The following CA8 variants were observed in gnomAD, a reference collection of about 807,000 sequenced individuals.
CA8 encodes carbonic anhydrase 8 (inactive).
CA8 carries 22 observed loss-of-function variants against 41.4 expected under a neutral mutation model. The ratio of observed to expected loss-of-function variants is 0.53; its 90% confidence interval spans 0.38 to 0.76. CA8 has a LOEUF of 0.76. CA8 is among the 30% of genes least tolerant of loss of function. The pLI is 0.00. For synonymous variants in CA8, 121 were observed against 130.6 expected, an observed-to-expected ratio of 0.93 and a Z score of 0.50; for missense variants, 270 against 352.8, an observed-to-expected ratio of 0.77 and a Z score of 1.88.
intron 3 of CA8, among the ~76,000 whole-genome samples, chr8:60,256,204 T>G (rs920720918): frequency 6.6e-6 from 1 of 152,086 alleles, no homozygotes; most frequent in African/African-American, 2.4e-5. Flanking sequence ...GCCGCCACAC[T>G]CGGCCTAAAC....
At chr8:60,224,023 T>G (rs1413715707) in intron 6 of CA8, among the ~76,000 whole-genome samples, 5 of 152,232 alleles carry the variant, frequency 3.3e-5, no homozygotes, top group Non-Finnish European at 7.3e-5. Flanking sequence ...TTTATTTTAC[T>G]CTAAAGATTA....
chr8:60,232,616 A>T (rs989116300), intron 3 of CA8: 27 of 543,658 alleles, frequency 5.0e-5, no homozygotes, highest in African/African-American at 4.9e-4. Context: ...TTTAGTCCTG[A>T]TGAGGAGGAA....
chr8:60,186,910 C>T lies in CA8; in HGVS notation c.*3111G>A, dbSNP rs1432898491. ...GTCAGAGAATTCAATACACTACTTT[C>T]ATAATAGACAGAAATAGGCATATCA... On this transcript the variant is annotated 3_prime_UTR_variant, in exon 9 of 9. Coordinates refer to ENST00000317995, the MANE Select transcript of CA8 (RefSeq NM_004056.6). Among the ~76,000 whole-genome samples, 1 of 151,956 alleles carries T rather than the reference C, an allele frequency of 6.6e-6. No homozygotes were observed. The highest frequency in any genetic ancestry group is 1.5e-5 in the Non-Finnish European group (1 of 67,908).
At chr8:60,236,265 A>G (rs1199567164) in intron 3 of CA8, among the ~76,000 whole-genome samples, 2 of 152,218 alleles carry the variant, frequency 1.3e-5, no homozygotes, top group East Asian at 3.9e-4. Flanking sequence ...GATAAAAATC[A>G]GCCTGCGTTT....
rs1805991222 is a variant in CA8 at position 60,187,293 on chromosome 8, T to C, written c.*2728A>G. On this transcript the variant is annotated 3_prime_UTR_variant, in exon 9 of 9. Coordinates refer to ENST00000317995, the MANE Select transcript of CA8 (RefSeq NM_004056.6). ...CTTGAGATGAATGAAAACAAAAACA[T>C]GGCATACCAAAACTTATTGGATGCA... 6.6e-6 allele frequency: 1 copy of C among 151,952 alleles called. No individual in the cohort carries two copies. Among genetic ancestry groups the C allele is most frequent in the Non-Finnish European group, 1.5e-5 (1 of 67,914 alleles). 9.4% of individuals were successfully genotyped at this position (151,952 alleles called of 1,614,324 possible). A position where few individuals can be genotyped will look rare whatever the true frequency, so the allele number is the denominator to read the frequency against.
intron 2 of CA8, among the ~76,000 whole-genome samples, chr8:60,271,186 A>G (rs959295174): frequency 1.3e-5 from 2 of 152,114 alleles, no homozygotes; most frequent in Admixed American, 6.5e-5. Context: ...TCTACCAAAA[A>G]TTTAAAAATT....
At position 60,279,790 on chromosome 8, in the gene CA8, G is replaced by C; in HGVS notation, c.191C>G (p.Ser64Trp). ...LNSREARYDP[S>W]LLDVRLSPNY... ...TGGGGAGAGGCGGACATCCAACAGC[G>C]AGGGGTCATACCTAGCCTCTCTTGA... Residue 64 changes from serine (S) to tryptophan (W), a missense_variant, in exon 2 of 9, where the codon TCG (serine) becomes TGG (tryptophan). Ser to Trp is a radical substitution (Grantham distance 177). Around this residue, in one of 3 missense-constraint regions of CA8, gnomAD observed 123 missense variants for 136.8 expected, o/e 0.90. Coordinates refer to ENST00000317995, the MANE Select transcript of CA8 (RefSeq NM_004056.6). The C allele has an allele frequency of 6.2e-7, 1 of 1,614,134 alleles. No individual in the cohort carries two copies. Among genetic ancestry groups the C allele is most frequent in the South Asian group, 1.1e-5 (1 of 91,078 alleles).
Position 60,281,066 on chromosome 8 carries a change from C to T in CA8, c.82G>A (p.Glu28Lys). ...EDEEEEEEGV[E>K]WGYEEGVEWG... ...CACTTACCTTCCTCGTAGCCCCACTCCACACCCTCCTCTTCTTCCTCCTCA... is the reference window on the plus strand; with the variant it reads ...CACTTACCTTCCTCGTAGCCCCACTTCACACCCTCCTCTTCTTCCTCCTCA... Residue 28 changes from glutamate (E) to lysine (K), a missense_variant, in exon 1 of 9, where the codon GAG (glutamate) becomes AAG (lysine). Glu to Lys is a moderately conservative substitution (Grantham distance 56, BLOSUM62 1). Transcript: ENST00000317995. 5.6e-6 allele frequency: 9 copies of T among 1,611,272 alleles called. No homozygotes were observed. Among genetic ancestry groups the T allele is most frequent in the Non-Finnish European group, 7.6e-6 (9 of 1,179,256 alleles).
At chr8:60,238,357 T>G (rs553839038) in intron 3 of CA8, among the ~76,000 whole-genome samples, 47 of 152,344 alleles carry the variant, frequency 3.1e-4, no homozygotes, top group African/African-American at 8.7e-4. Context: ...AAGGCAATTA[T>G]GACTCACAAA....
intron 3 of CA8, among the ~76,000 whole-genome samples, chr8:60,255,163 T>G (rs1808583251): frequency 1.3e-5 from 2 of 152,106 alleles, no homozygotes; most frequent in African/African-American, 4.8e-5. Flanking sequence ...CAACTCCTCC[T>G]CCTGTATTCT....
Position 60,189,572 on chromosome 8 carries a change from T to C in CA8, c.*449A>G, listed in dbSNP as rs1227999616. On this transcript the variant is annotated 3_prime_UTR_variant, in exon 9 of 9. Coordinates refer to ENST00000317995, the MANE Select transcript of CA8 (RefSeq NM_004056.6). Reference sequence around the variant, plus strand: ...GTTCTTAATCAAAACTCTTATTTTATTATCAAGAATTACACTAGTTCTAAA... The same window carrying C: ...GTTCTTAATCAAAACTCTTATTTTACTATCAAGAATTACACTAGTTCTAAA... The C allele has an allele frequency of 6.6e-6, 1 of 152,210 alleles. No homozygotes were observed. Among genetic ancestry groups the C allele is most frequent in the Non-Finnish European group, 1.5e-5 (1 of 68,010 alleles). The allele number at this position is 152,210 out of a possible 1,614,324, so 9.4% of individuals were successfully genotyped here.
chr8:60,243,629 G>A (rs1003195517), intron 3 of CA8, among the ~76,000 whole-genome samples: 4 of 151,820 alleles, frequency 2.6e-5, no homozygotes, highest in Non-Finnish European at 5.9e-5. Context: ...CCCTGAACGC[G>A]CCCGATCTCG....
intron 8 of CA8, among the ~76,000 whole-genome samples, chr8:60,201,123 C>T (rs767149578): frequency 2.7e-4 from 41 of 152,116 alleles, no homozygotes; most frequent in Admixed American, 3.9e-4. Context: ...GTGTCATGCA[C>T]GGCTCACGTT....
intron 3 of CA8, among the ~76,000 whole-genome samples, chr8:60,233,802 T>A (rs922805284): frequency 2.0e-5 from 3 of 152,188 alleles, no homozygotes; most frequent in African/African-American, 7.2e-5. Flanking sequence ...GGCATTTTTT[T>A]AAACAAAACA....
intron 7 of CA8, among the ~76,000 whole-genome samples, chr8:60,217,867 T>C (rs1316347801): frequency 1.3e-5 from 2 of 152,192 alleles, no homozygotes; most frequent in African/African-American, 2.4e-5. Context: ...CTCCATCTCA[T>C]TGCCATGTGA....
intron 8 of CA8, among the ~76,000 whole-genome samples, chr8:60,200,074 G>T (rs1806379561): frequency 6.6e-6 from 1 of 152,118 alleles, no homozygotes. Context: ...GTGGGCAGAG[G>T]CCTAGTGATT....
At chr8:60,209,658 T>G (rs1482395721) in intron 7 of CA8, among the ~76,000 whole-genome samples, 1 of 152,182 alleles carries the variant, frequency 6.6e-6, no homozygotes, top group Non-Finnish European at 1.5e-5. Context: ...ATCAGATAGA[T>G]TCAAGGTTTC....
intron 2 of CA8, among the ~76,000 whole-genome samples, chr8:60,274,111 T>G (rs1804152868): frequency 6.6e-6 from 1 of 152,050 alleles, no homozygotes; most frequent in South Asian, 2.1e-4. Context: ...AGTGGTGGTG[T>G]GAAGTCAGCT....
chr8:60,210,329 T>C (rs1563526570), intron 7 of CA8, among the ~76,000 whole-genome samples: 1 of 152,314 alleles, frequency 6.6e-6, no homozygotes, highest in South Asian at 2.1e-4. Flanking sequence ...TAATATGACA[T>C]AGCTATAGAA....
Sources: allele counts gnomAD v4.1 joint callset (sites outside exome capture counted in the v4.1 genomes callset), GRCh38; gene constraint gnomAD v4.1.1; regional missense constraint gnomAD v4.1.1; transcripts MANE v1.5; gene names NCBI Gene and HGNC (gene_info 2026-07-23, HGNC 2026-07-21).